Variants in NUTM2D observed in about 807,000 individuals in gnomAD.
NUTM2D encodes the protein NUT family member 2D, also known as NUT family member 2A pseudogene.
In NUTM2D, 2 loss-of-function variants were observed where a neutral mutation model predicts 43.5. The observed-to-expected ratio is 0.05, with a 90% CI of 0.02 to 0.14. The LOEUF is 0.14. NUTM2D is among the 10% of genes least tolerant of loss of function. The pLI is 1.00. For missense variants in NUTM2D, 48 were observed against 668.7 expected, an observed-to-expected ratio of 0.07 and a Z score of 10.24; for synonymous variants, 24 against 276.6, an observed-to-expected ratio of 0.09 and a Z score of 9.06.
At chr10:87,359,846 T>C (rs1850247481) in intron 1 of NUTM2D, among the ~76,000 whole-genome samples, 1 of 152,212 alleles carries the variant, frequency 6.6e-6, no homozygotes, top group African/African-American at 2.4e-5. Context: ...GACCCCTATT[T>C]AGCACTTGCT....
downstream of NUTM2D, chr10:87,370,190 T>G (rs1269979209): frequency 1.3e-5 from 2 of 152,242 alleles, no homozygotes; most frequent in Non-Finnish European, 1.5e-5. Flanking sequence ...ATACTAAAAT[T>G]TATCCATTTA....
At chr10:87,365,297 G>A in intron 5 of NUTM2D, 94 bp downstream of exon 5, 1 of 1,570,874 alleles carries the variant, frequency 6.4e-7, no homozygotes, top group South Asian at 1.2e-5. Context: ...CTACTCAGCA[G>A]TGTGTGTATT....
downstream of NUTM2D, chr10:87,367,335 G>A (rs760409851): frequency 4.7e-5 from 76 of 1,609,448 alleles, 1 homozygote; most frequent in Non-Finnish European, 6.3e-5. Flanking sequence ...CTGACGTAGG[G>A]AGCCCCTTCA....
intron 5 of NUTM2D, among the ~76,000 whole-genome samples, chr10:87,365,419 T>C (rs1850286040): frequency 6.8e-6 from 1 of 147,292 alleles, no homozygotes; most frequent in Non-Finnish European, 1.5e-5. Context: ...GGTGTGAGTG[T>C]GGAGTGTGTA....
At chr10:87,367,231 T>G (rs984616206), downstream of NUTM2D, 4 of 1,234,292 alleles carry the variant, frequency 3.2e-6, no homozygotes, top group Admixed American at 7.8e-5. Context: ...CTCGGTGCTG[T>G]GCTGCTCCGT....
In NUTM2D at chr10:87,365,258, G is replaced by C. The variant is rs554652656; in HGVS notation, c.1518+55G>C. On this transcript the variant is annotated intron_variant, in intron 5 of 6. Transcript: ENST00000381697. Reference sequence around the variant, plus strand: ...TGGATTCCAGGGGGTGGCACTCCCAGGTCCTTGGAATTAAGCTCTGTTCCT... The same window carrying C: ...TGGATTCCAGGGGGTGGCACTCCCACGTCCTTGGAATTAAGCTCTGTTCCT... 1.9e-4 allele frequency: 286 copies of C among 1,526,146 alleles called. 6 individuals are homozygous for C. The African/African-American group carries it at 3.5e-3, about 19-fold the overall frequency. 94.5% of individuals were successfully genotyped at this position (1,526,146 alleles called of 1,614,324 possible).
Position 87,361,321 on chromosome 10 carries a change from T to C in NUTM2D, c.866+141T>C, listed in dbSNP as rs1299836007. The C allele has an allele frequency of 8.9e-6, 2 of 225,152 alleles. 1 individual carries two copies. Among genetic ancestry groups the C allele is most frequent in the Non-Finnish European group, 1.5e-5 (2 of 136,912 alleles). The allele number at this position is 225,152 out of a possible 1,614,324, so 13.9% of individuals were successfully genotyped here. ...GGCTGCACTATGGGAAGGTACATTTTCAACAATATTAATCTGGCTGCGGCT... is the reference window on the plus strand; with the variant it reads ...GGCTGCACTATGGGAAGGTACATTTCCAACAATATTAATCTGGCTGCGGCT... On this transcript the variant is annotated intron_variant, in intron 2 of 6. Coordinates refer to ENST00000381697, the MANE Select transcript of NUTM2D (RefSeq NM_001382304.1).
intron 5 of NUTM2D, 111 bp downstream of exon 5, chr10:87,365,314 G>A: frequency 1.9e-6 from 3 of 1,573,920 alleles, no homozygotes; most frequent in Non-Finnish European, 2.6e-6. Flanking sequence ...TATTTCCAAG[G>A]ATTTGAGTGT....
Position 87,365,313 on chromosome 10 carries a change from G to A in NUTM2D, c.1518+110G>A. The A allele has an allele frequency of 6.4e-6, 10 of 1,573,784 alleles. No homozygotes were observed. In the South Asian group the frequency reaches 1.2e-4, roughly 19 times the overall value. ...TACTCAGCAGTGTGTGTATTTCCAA[G>A]GATTTGAGTGTCTGTGTATGTGATT... is the stretch of plus-strand genomic sequence containing the variant. On this transcript the variant is annotated intron_variant, in intron 5 of 6. Coordinates refer to ENST00000381697, the MANE Select transcript of NUTM2D (RefSeq NM_001382304.1).
chr10:87,369,659 A>G (rs1373953507), downstream of NUTM2D: 1 of 152,032 alleles, frequency 6.6e-6, no homozygotes, highest in African/African-American at 2.4e-5. Context: ...ACACAGTGAA[A>G]AGGAATCTGT....
At chr10:87,370,470 CA>C (rs1169170934), downstream of NUTM2D, 1 of 152,194 alleles carries the variant, frequency 6.6e-6, no homozygotes, top group African/African-American at 2.4e-5. Context: ...CATTTATTAT[CA>C]ACTCTCTTTT....
chr10:87,369,856 A>G (rs1850338232), downstream of NUTM2D: 1 of 151,602 alleles, frequency 6.6e-6, no homozygotes, highest in Admixed American at 6.6e-5. Context: ...CCCTCCCTTC[A>G]CCATTGGATG....
downstream of NUTM2D, chr10:87,367,534 C>T (rs1221951562): frequency 5.3e-5 from 32 of 608,482 alleles, no homozygotes; most frequent in East Asian, 3.3e-4. Flanking sequence ...AGAAGGCAGC[C>T]GCCTGCAACA....
chr10:87,358,375 G>A lies in NUTM2D; in HGVS notation c.110G>A (p.Gly37Glu), dbSNP rs370321410. Residue 37 changes from glycine to glutamate, a missense_variant, in exon 1 of 7, where the codon GGA (glycine) becomes GAA (glutamate). Coordinates refer to ENST00000381697, the MANE Select transcript of NUTM2D (RefSeq NM_001382304.1). ...CTTACCCTTGGCTTTTCTCATTGTG[G>A]AAACTGCCAGACAGCGGTAGTCAGT... ...LGLTLGFSHC[G>E]NCQTAVVSAQ... The A allele has an allele frequency of 2.5e-6, 4 of 1,614,032 alleles. No individual in the cohort carries two copies. The highest frequency in any genetic ancestry group is 3.4e-6 in the Non-Finnish European group (4 of 1,180,008).
At position 87,358,442 on chromosome 10, in the gene NUTM2D, A is replaced by G. The variant is rs757574814; in HGVS notation, c.166+11A>G. The G allele has an allele frequency of 6.2e-7, 1 of 1,613,822 alleles. No individual in the cohort carries two copies. The highest frequency in any genetic ancestry group is 1.3e-5 in the African/African-American group (1 of 75,050). On this transcript the variant is annotated intron_variant, in intron 1 of 6. Coordinates refer to ENST00000381697, the MANE Select transcript of NUTM2D (RefSeq NM_001382304.1). ...TGGCTTCAAATGGAGGTAAGCCTGT[A>G]GGGATGGGGGCATTATCTGAGTCTG...
downstream of NUTM2D, chr10:87,367,220 C>T (rs1850309929): frequency 1.6e-6 from 2 of 1,223,220 alleles, no homozygotes; most frequent in Non-Finnish European, 1.2e-6. Context: ...CTGCCTCTGT[C>T]CTCGGTGCTG....
chr10:87,365,986 G>GGGAGGCCC (rs1850293697), intron 6 of NUTM2D, 153 bp from the exon 7 acceptor site: 1 of 555,922 alleles, frequency 1.8e-6, no homozygotes, highest in African/African-American at 2.0e-5. Flanking sequence ...GAGGCCCAAC[G>GGGAGGCCC]GGAGGCCCGG....
intron 1 of NUTM2D, among the ~76,000 whole-genome samples, chr10:87,358,699 TAGA>T (rs1414319820): frequency 8.5e-6 from 1 of 117,406 alleles, no homozygotes; most frequent in Non-Finnish European, 1.7e-5. Context: ...TGATCCTTTC[TAGA>T]AGGAGACAGG....
At chr10:87,369,313 C>A (rs190319023), downstream of NUTM2D, 1 of 152,024 alleles carries the variant, frequency 6.6e-6, no homozygotes. Context: ...CTCCCTGACA[C>A]GAGGACACAC....
Sources: allele counts gnomAD v4.1 joint callset (sites outside exome capture counted in the v4.1 genomes callset), GRCh38; gene constraint gnomAD v4.1.1; transcripts MANE v1.5; gene names NCBI Gene and HGNC (gene_info 2026-07-23, HGNC 2026-07-21).